The following PTPRN2 variants were observed in gnomAD, a reference collection of about 807,000 sequenced individuals.
PTPRN2 encodes receptor-type tyrosine-protein phosphatase N2.
A neutral mutation model predicts 118.8 loss-of-function variants in PTPRN2; 74 were observed. The observed-to-expected ratio is 0.62, with a 90% CI of 0.52 to 0.76. The LOEUF (loss-of-function observed/expected upper bound fraction) is 0.76. Ranked by LOEUF, PTPRN2 falls within the 30% of genes least tolerant of loss-of-function variation. The probability of loss-of-function intolerance (pLI) is 0.00; values close to 1 mark genes in which losing one functional copy is unlikely to be tolerated. For missense variants in PTPRN2, 1,481 were observed against 1,394.4 expected, an observed-to-expected ratio of 1.06 and a Z score of -0.99; for synonymous variants, 641 against 608.0, an observed-to-expected ratio of 1.05 and a Z score of -0.80.
chr7:157,667,215 A>G (rs113983949), intron 13 of PTPRN2, among the ~76,000 whole-genome samples: 2 of 99,724 alleles, frequency 2.0e-5, no homozygotes, highest in African/African-American at 3.4e-5. Context: ...TTGCACGCTC[A>G]GCCTGTGGGA....
At chr7:157,880,026 C>T (rs535817397) in intron 12 of PTPRN2, among the ~76,000 whole-genome samples, 31 of 152,276 alleles carry the variant, frequency 2.0e-4, no homozygotes, top group Admixed American at 4.6e-4. Flanking sequence ...CATAAACTGA[C>T]AGTCCTTGAG....
chr7:157,722,935 A>G (rs926250329), intron 12 of PTPRN2, among the ~76,000 whole-genome samples: 3 of 152,008 alleles, frequency 2.0e-5, no homozygotes, highest in Non-Finnish European at 2.9e-5. Context: ...AGGTCACTGA[A>G]TCAACAGCCC....
chr7:158,325,076 G>A (rs1233089531), intron 2 of PTPRN2, among the ~76,000 whole-genome samples: 1 of 151,968 alleles, frequency 6.6e-6, no homozygotes, highest in Non-Finnish European at 1.5e-5. Context: ...GAGATCCACA[G>A]GGGGTCCCCC....
intron 10 of PTPRN2, among the ~76,000 whole-genome samples, chr7:158,086,319 A>G (rs1444720250): frequency 1.3e-5 from 2 of 152,136 alleles, no homozygotes; most frequent in African/African-American, 4.8e-5. Flanking sequence ...GAACAGACAC[A>G]CAGCCTGGCG....
At chr7:158,128,809 G>A (rs529776246) in intron 9 of PTPRN2, among the ~76,000 whole-genome samples, 6 of 152,218 alleles carry the variant, frequency 3.9e-5, no homozygotes, top group Admixed American at 3.9e-4. Flanking sequence ...GGGCAGGGAT[G>A]GGCGGCCGTC....
At chr7:158,272,845 G>A (rs747326970) in intron 3 of PTPRN2, among the ~76,000 whole-genome samples, 11 of 152,194 alleles carry the variant, frequency 7.2e-5, no homozygotes, top group Non-Finnish European at 1.6e-4. Flanking sequence ...CTGAGTGGAT[G>A]GAAGGATCAG....
intron 3 of PTPRN2, among the ~76,000 whole-genome samples, chr7:158,306,810 A>G (rs1166739992): frequency 1.3e-5 from 2 of 152,024 alleles, no homozygotes; most frequent in African/African-American, 4.8e-5. Context: ...TTCTTGGGGA[A>G]GCCAAATGGC....
intron 6 of PTPRN2, among the ~76,000 whole-genome samples, chr7:158,146,246 T>A (rs1819977079): frequency 6.6e-6 from 1 of 152,168 alleles, no homozygotes; most frequent in African/African-American, 2.4e-5. Context: ...ATTATGCATT[T>A]TGAAACTATT....
chr7:158,340,450 C>A (rs1367497825), intron 2 of PTPRN2, among the ~76,000 whole-genome samples: 8 of 98,226 alleles, frequency 8.1e-5, no homozygotes, highest in Non-Finnish European at 1.3e-4. Context: ...GAGCTGACAC[C>A]CGCAGACGTC....
At chr7:158,155,237 T>C (rs754829233) in intron 6 of PTPRN2, among the ~76,000 whole-genome samples, 2 of 152,216 alleles carry the variant, frequency 1.3e-5, no homozygotes, top group Non-Finnish European at 2.9e-5. Context: ...TATATGTCAT[T>C]GTAGGGCCTT....
intron 3 of PTPRN2, among the ~76,000 whole-genome samples, chr7:158,264,936 G>A (rs978662724): frequency 6.6e-5 from 10 of 151,872 alleles, no homozygotes; most frequent in African/African-American, 9.7e-5. Context: ...GCCTTTACAC[G>A]AAGAGCCCCC....
rs181915723 is a variant in PTPRN2, at chr7:157,816,550, C to T, written c.1788+82123G>A. On this transcript the variant is annotated intron_variant, in intron 12 of 22. Coordinates refer to ENST00000389418, the MANE Select transcript of PTPRN2 (RefSeq NM_002847.5). ...TTCTTGGGTTAAGTTGTTAAGATTTCGGGGATGTGTTTAAAGTCCCTAGTG... is the reference window on the plus strand; with the variant it reads ...TTCTTGGGTTAAGTTGTTAAGATTTTGGGGATGTGTTTAAAGTCCCTAGTG... 1.5e-3 allele frequency among the ~76,000 whole-genome samples: 229 copies of T among 152,318 alleles called. 4 individuals carry two copies. Among genetic ancestry groups the T allele is most frequent in the African/African-American group, 5.4e-3 (224 of 41,572 alleles).
intron 2 of PTPRN2, among the ~76,000 whole-genome samples, chr7:158,345,969 C>G (rs1807481301): frequency 6.6e-6 from 1 of 152,138 alleles, no homozygotes; most frequent in Admixed American, 6.5e-5. Context: ...CCCGCATGAT[C>G]CAGTCACCTC....
At chr7:158,547,783 T>C (rs1035109614) in intron 1 of PTPRN2, among the ~76,000 whole-genome samples, 6 of 152,222 alleles carry the variant, frequency 3.9e-5, no homozygotes, top group Admixed American at 3.9e-4. Flanking sequence ...CCTGTCCACC[T>C]GGCCTTTGAG....
rs946590571 is a variant in PTPRN2 at position 157,986,931 on chromosome 7, G to T, written c.1724-88194C>A. Among the ~76,000 whole-genome samples, 11 of 152,262 alleles carry T rather than the reference G, an allele frequency of 7.2e-5. No homozygotes were observed. Among genetic ancestry groups the T allele is most frequent in the African/African-American group, 2.6e-4 (11 of 41,550 alleles). ...CAGTGACTTTGGGGTCATTTGCACG[G>T]TATCAGCTATAGCCGCAGTGAGAGG... On this transcript the variant is annotated intron_variant, in intron 11 of 22. Transcript: ENST00000389418. This position sits in a 1 kb window ranked among gnomAD's most constrained non-coding sequence, Gnocchi z 4.5.
At chr7:158,478,615 C>A (rs147307578) in intron 2 of PTPRN2, among the ~76,000 whole-genome samples, 1 of 152,164 alleles carries the variant, frequency 6.6e-6, no homozygotes, top group Non-Finnish European at 1.5e-5. Context: ...TGGAGAAGGA[C>A]CACACACCCC....
chr7:158,079,672 A>G (rs1812645574), intron 11 of PTPRN2, among the ~76,000 whole-genome samples: 1 of 152,200 alleles, frequency 6.6e-6, no homozygotes, highest in South Asian at 2.1e-4. Flanking sequence ...TTGGTCTTAA[A>G]TATCTCCAAT....
At chr7:157,660,665 T>C (rs889374121) in intron 13 of PTPRN2, among the ~76,000 whole-genome samples, 3 of 152,166 alleles carry the variant, frequency 2.0e-5, no homozygotes, top group East Asian at 1.9e-4. Context: ...GACGTATTAG[T>C]GAATAGAAGT....
chr7:158,258,708 C>A (rs11980157), intron 3 of PTPRN2, among the ~76,000 whole-genome samples: 2 of 152,170 alleles, frequency 1.3e-5, no homozygotes, highest in Non-Finnish European at 2.9e-5. Context: ...AACCACCAGC[C>A]GTTGGCTCTG....
Sources: gnomAD v4.1 joint callset for allele counts (sites outside exome capture counted in the v4.1 genomes callset) on GRCh38, gnomAD v4.1.1 for gene constraint, Gnocchi (gnomAD v3.1) non-coding constraint, MANE v1.5 for transcripts, NCBI Gene and HGNC (gene_info 2026-07-23, HGNC 2026-07-21) for gene names.